The following DNAH6 variants were observed in gnomAD, a reference collection of about 807,000 sequenced individuals.
DNAH6 encodes dynein axonemal heavy chain 6.
DNAH6 carries 340 observed loss-of-function variants against 491.4 expected under a neutral mutation model. The observed-to-expected ratio is 0.69, with a 90% CI of 0.63 to 0.76. DNAH6 has a LOEUF of 0.76. Ranked by LOEUF, DNAH6 falls within the 30% of genes least tolerant of loss-of-function variation. DNAH6 has a pLI of 0.00. For synonymous variants in DNAH6, 1,603 were observed against 1,686.1 expected, an observed-to-expected ratio of 0.95 and a Z score of 1.21; for missense variants, 4,443 against 4,972.2, an observed-to-expected ratio of 0.89 and a Z score of 3.20.
At chr2:84,587,280 A>G (rs1392122423) in intron 15 of DNAH6, among the ~76,000 whole-genome samples, 2 of 152,176 alleles carry the variant, frequency 1.3e-5, no homozygotes, top group African/African-American at 4.8e-5. Context: ...TGCAAAGGAC[A>G]TTATCTTGTT....
chr2:84,661,602 G>A (rs1691514329), intron 37 of DNAH6, among the ~76,000 whole-genome samples: 1 of 152,104 alleles, frequency 6.6e-6, no homozygotes, highest in Non-Finnish European at 1.5e-5. Flanking sequence ...GATGTGAAAG[G>A]CCTCTACTGA....
chr2:84,531,126 G>A (rs1677128535), intron 4 of DNAH6, among the ~76,000 whole-genome samples: 1 of 152,146 alleles, frequency 6.6e-6, no homozygotes, highest in Non-Finnish European at 1.5e-5. Context: ...CGAGGAGGGG[G>A]CTTCCAGGTC....
At chr2:84,817,130 T>A (rs1243094211) in intron 76 of DNAH6, among the ~76,000 whole-genome samples, 1 of 151,112 alleles carries the variant, frequency 6.6e-6, no homozygotes, top group Non-Finnish European at 1.5e-5. Context: ...CTACAAGTAA[T>A]CAAATCTTCA....
chr2:84,685,761 G>A (rs982482276), intron 43 of DNAH6, among the ~76,000 whole-genome samples: 1 of 151,956 alleles, frequency 6.6e-6, no homozygotes, highest in Non-Finnish European at 1.5e-5. Flanking sequence ...ACCAGCCTGG[G>A]CAACAAGGCA....
chr2:84,512,217 A>G (rs1358605962), upstream of DNAH6, among the ~76,000 whole-genome samples: 3 of 152,156 alleles, frequency 2.0e-5, no homozygotes, highest in African/African-American at 7.2e-5. Context: ...CACAGGCTGG[A>G]TAATTCATAA....
Position 84,699,661 on chromosome 2 carries a change from G to T in DNAH6, c.7745G>T (p.Gly2582Val). 2 of 1,551,780 alleles carry T rather than the reference G, an allele frequency of 1.3e-6. No homozygotes were observed. Among genetic ancestry groups the T allele is most frequent in the South Asian group, 2.4e-5 (2 of 84,060 alleles). Residue 2582 changes from glycine to valine, a missense_variant, in exon 48 of 77, where the codon GGG becomes GTG. Around this residue, in one of 3 missense-constraint regions of DNAH6, gnomAD observed 2,977 missense variants for 3,296.6 expected, o/e 0.90. Coordinates refer to ENST00000389394, the MANE Select transcript of DNAH6 (RefSeq NM_001370.2). Reference sequence around the variant, plus strand: ...ATTGTTCTCTGCATGAGCCCAGTTGGGGAGGCCTTTCGGTCCCGATGCAGG... The same window carrying T: ...ATTGTTCTCTGCATGAGCCCAGTTGTGGAGGCCTTTCGGTCCCGATGCAGG... ...LHIVLCMSPVGEAFRSRCRMF... is the reference protein window; with the variant it reads ...LHIVLCMSPVVEAFRSRCRMF...
At chr2:84,547,137 T>C in intron 5 of DNAH6, 131 bp from the exon 6 acceptor site, 1 of 698,994 alleles carries the variant, frequency 1.4e-6, no homozygotes, top group African/African-American at 1.8e-5. Flanking sequence ...CATATGCATT[T>C]TGTAGTTGTA....
At position 84,805,782 on chromosome 2, in the gene DNAH6, A is replaced by G; in HGVS notation, c.11599A>G (p.Thr3867Ala). The G allele has an allele frequency of 1.9e-6, 3 of 1,549,892 alleles. No individual in the cohort carries two copies. The highest frequency in any genetic ancestry group is 2.6e-6 in the Non-Finnish European group (3 of 1,146,450). ...TCAAGAACTTGTTGCTTCTGTCCAG[A>G]CCAGAGTTCCAGGTAATAAATAATT... ...IVQELVASVQ[T>A]RVPEKLEMEG... is the part of the protein sequence containing the mutation. The change falls in exon 71 of 77, where the codon ACC (threonine) becomes GCC (alanine). Residue 3867 changes from threonine to alanine, a missense_variant. Thr to Ala is a moderately conservative substitution (Grantham distance 58). Around this residue, in one of 3 missense-constraint regions of DNAH6, gnomAD observed 1,463 missense variants for 1,656.6 expected, o/e 0.88. Coordinates refer to ENST00000389394, the MANE Select transcript of DNAH6 (RefSeq NM_001370.2).
chr2:84,705,839 G>A (rs1696378318), intron 52 of DNAH6, 92 bp downstream of exon 52: 11 of 1,367,516 alleles, frequency 8.0e-6, no homozygotes, highest in African/African-American at 2.9e-5. Flanking sequence ...GTGGTCCTAC[G>A]CAATATAGAC....
At chr2:84,525,373 A>C (rs1314983093) in intron 2 of DNAH6, among the ~76,000 whole-genome samples, 192 bp from the exon 3 acceptor site, 3 of 152,136 alleles carry the variant, frequency 2.0e-5, no homozygotes, top group Non-Finnish European at 4.4e-5. Context: ...GAAGCTAGGT[A>C]GAAAAGTCTT....
At chr2:84,651,180 T>A (rs2104553789) in intron 33 of DNAH6, among the ~76,000 whole-genome samples, 1 of 152,272 alleles carries the variant, frequency 6.6e-6, no homozygotes, top group Middle Eastern at 3.4e-3. Flanking sequence ...GTAAAAGTCC[T>A]GACTCTCCAC....
intron 29 of DNAH6, among the ~76,000 whole-genome samples, chr2:84,629,312 A>G (rs1225904644): frequency 6.6e-6 from 1 of 152,196 alleles, no homozygotes; most frequent in Non-Finnish European, 1.5e-5. Context: ...TATACGTATC[A>G]TATTGACTCA....
intron 13 of DNAH6, among the ~76,000 whole-genome samples, chr2:84,578,474 CAAG>C (rs972401995): frequency 6.6e-6 from 1 of 152,196 alleles, no homozygotes; most frequent in African/African-American, 2.4e-5. Flanking sequence ...GGGTCGATAT[CAAG>C]GAGGTATGAT....
chr2:84,528,042 C>A (rs1031419330), intron 3 of DNAH6, among the ~76,000 whole-genome samples: 1 of 152,170 alleles, frequency 6.6e-6, no homozygotes, highest in Non-Finnish European at 1.5e-5. Context: ...CAGTGATTAA[C>A]CTCCTCCATG....
At chr2:84,651,032 G>T (rs939186287) in intron 33 of DNAH6, among the ~76,000 whole-genome samples, 1 of 152,178 alleles carries the variant, frequency 6.6e-6, no homozygotes, top group Non-Finnish European at 1.5e-5. Flanking sequence ...CTGCTGTGTA[G>T]GGGTGGGAGT....
intron 11 of DNAH6, among the ~76,000 whole-genome samples, chr2:84,571,232 G>C (rs1036696447): frequency 2.0e-5 from 3 of 151,976 alleles, no homozygotes; most frequent in Non-Finnish European, 1.5e-5. Flanking sequence ...ATTCACTACA[G>C]AAGCCATCAG....
chr2:84,577,239 G>T lies in DNAH6; in HGVS notation c.1925-18G>T. 2 of 1,501,104 alleles carry T rather than the reference G, an allele frequency of 1.3e-6. No homozygotes were observed. Among genetic ancestry groups the T allele is most frequent in the Non-Finnish European group, 9.0e-7 (1 of 1,112,216 alleles). The allele number at this position is 1,501,104 out of a possible 1,614,324, so 93.0% of individuals were successfully genotyped here. On this transcript the variant is annotated intron_variant, in intron 12 of 76. Coordinates refer to ENST00000389394, the MANE Select transcript of DNAH6 (RefSeq NM_001370.2). ...CAATATGGTATATTTTATGCTTTAT[G>T]TGAATTTTTTTATGTAGATATTAAC...
chr2:84,781,259 G>C (rs1356869470), intron 64 of DNAH6, among the ~76,000 whole-genome samples: 1 of 152,110 alleles, frequency 6.6e-6, no homozygotes, highest in Non-Finnish European at 1.5e-5. Context: ...CGCAGGTATT[G>C]ATTTGTGATC....
intron 11 of DNAH6, among the ~76,000 whole-genome samples, chr2:84,568,813 A>T (rs1387265240): frequency 6.6e-6 from 1 of 152,216 alleles, no homozygotes; most frequent in African/African-American, 2.4e-5. Flanking sequence ...AAGATAGTCT[A>T]CTCATAAGAT....
Sources: gnomAD v4.1 joint callset for allele counts (sites outside exome capture counted in the v4.1 genomes callset) on GRCh38, gnomAD v4.1.1 for gene constraint, gnomAD v4.1.1 regional missense constraint, MANE v1.5 for transcripts, NCBI Gene and HGNC (gene_info 2026-07-23, HGNC 2026-07-21) for gene names.